The following APBB2 variants were observed in gnomAD, a reference collection of about 807,000 sequenced individuals.
APBB2 encodes Fe65-like 1.
In APBB2, 38 loss-of-function variants were observed where a neutral mutation model predicts 82.5. The ratio of observed to expected loss-of-function variants is 0.46; its 90% CI spans 0.36 to 0.60. The LOEUF (loss-of-function observed/expected upper bound fraction) is 0.60. APBB2 is among the 20% of genes least tolerant of loss of function. The pLI, the probability that APBB2 is intolerant of heterozygous loss-of-function variation, is 0.00. For synonymous variants in APBB2, 341 were observed against 368.2 expected (o/e 0.93, Z 0.85); for missense variants, 772 against 972.3 (o/e 0.79, Z 2.74).
intron 12 of APBB2, among the ~76,000 whole-genome samples, chr4:40,886,247 G>C (rs987977172): frequency 3.3e-5 from 5 of 152,218 alleles, no homozygotes; most frequent in Admixed American, 3.3e-4. Context: ...GGGAGGCCGA[G>C]GCATGTAGAG....
chr4:40,867,431 C>T (rs934358411), intron 12 of APBB2, among the ~76,000 whole-genome samples: 3 of 152,172 alleles, frequency 2.0e-5, no homozygotes, highest in Non-Finnish European at 4.4e-5. Context: ...TTATTATTAT[C>T]AACCCCCTTT....
chr4:40,871,375 C>T (rs1054394619), intron 12 of APBB2, among the ~76,000 whole-genome samples: 4 of 152,118 alleles, frequency 2.6e-5, no homozygotes, highest in African/African-American at 9.7e-5. Context: ...GAACTCCTGG[C>T]CTCAAGTGAT....
intron 1 of APBB2, among the ~76,000 whole-genome samples, chr4:41,198,244 CCTT>C: frequency 6.6e-6 from 1 of 152,200 alleles, no homozygotes; most frequent in Non-Finnish European, 1.5e-5. Flanking sequence ...AGGAACATGT[CCTT>C]CTTCTTCATG....
chr4:40,989,375 A>G (rs1801377579), intron 6 of APBB2, among the ~76,000 whole-genome samples: 1 of 152,182 alleles, frequency 6.6e-6, no homozygotes, highest in African/African-American at 2.4e-5. Flanking sequence ...TCCTGGGAGC[A>G]AAACCAAAAT....
At chr4:41,000,042 T>G (rs1579127458) in intron 6 of APBB2, among the ~76,000 whole-genome samples, 1 of 141,186 alleles carries the variant, frequency 7.1e-6, no homozygotes, top group Non-Finnish European at 1.5e-5. Context: ...TGTGTGTGTG[T>G]GTATGTATAT....
At chr4:40,988,472 C>G (rs1429571742) in intron 6 of APBB2, among the ~76,000 whole-genome samples, 2 of 151,574 alleles carry the variant, frequency 1.3e-5, no homozygotes, top group Admixed American at 1.3e-4. Flanking sequence ...CTTGTCTTTA[C>G]TAAAAATACA....
chr4:40,826,288 G>T lies in APBB2; in HGVS notation c.1733-318C>A. 1 of 288,626 alleles carries T rather than the reference G, an allele frequency of 3.5e-6. No homozygotes were observed. Among genetic ancestry groups the T allele is most frequent in the Non-Finnish European group, 6.6e-6 (1 of 150,778 alleles). 17.9% of individuals were successfully genotyped at this position (288,626 alleles called of 1,614,324 possible). ...TTTGGTGTCCTATTTAATTAGGTGTGGTTGATGCCCAGAGAAAATGTAACC... is the reference window on the plus strand; with the variant it reads ...TTTGGTGTCCTATTTAATTAGGTGTTGTTGATGCCCAGAGAAAATGTAACC... On this transcript the variant is annotated intron_variant, in intron 14 of 17. Transcript: ENST00000508593. The surrounding 1 kb of genome is among the most constrained non-coding windows in gnomAD (Gnocchi z 4.5).
chr4:41,118,836 T>C (rs1247494498), intron 2 of APBB2, among the ~76,000 whole-genome samples: 1 of 152,112 alleles, frequency 6.6e-6, no homozygotes, highest in South Asian at 2.1e-4. Flanking sequence ...AATCTAAAAA[T>C]GCTTTAAAAA....
At chr4:41,062,623 C>G (rs12641331) in intron 4 of APBB2, among the ~76,000 whole-genome samples, 1 of 151,936 alleles carries the variant, frequency 6.6e-6, no homozygotes, top group African/African-American at 2.4e-5. Context: ...TGAGAGGGTA[C>G]GAACCACACT....
At position 40,830,448 on chromosome 4, in the gene APBB2, C is replaced by T; in HGVS notation, c.1644+15G>A. The T allele has an allele frequency of 6.3e-7, 1 of 1,595,356 alleles. No homozygotes were observed. Among genetic ancestry groups the T allele is most frequent in the African/African-American group, 1.3e-5 (1 of 74,682 alleles). Reference sequence around the variant, plus strand: ...AAAAGAGAGAGGCGGCCCATACTGCCCTGACCCACCTTACCTTGGAGCAGA... The same window carrying T: ...AAAAGAGAGAGGCGGCCCATACTGCTCTGACCCACCTTACCTTGGAGCAGA... On this transcript the variant is annotated intron_variant, in intron 13 of 17. Transcript: ENST00000508593.
At chr4:40,893,548 ATTGAG>A (rs770461730) in intron 10 of APBB2, 137 bp from the exon 11 acceptor site, 212 of 752,988 alleles carry the variant, frequency 2.8e-4, no homozygotes, top group Non-Finnish European at 3.9e-4. Context: ...CAATCATCTA[ATTGAG>A]TTAACAAATC....
chr4:41,098,440 C>T (rs1049708389), intron 3 of APBB2, among the ~76,000 whole-genome samples: 4 of 152,106 alleles, frequency 2.6e-5, no homozygotes, highest in African/African-American at 9.7e-5. Context: ...ACCTCTGCCC[C>T]CCAAAAGTGT....
At chr4:41,049,216 G>A (rs1219037659) in intron 4 of APBB2, among the ~76,000 whole-genome samples, 6 of 149,218 alleles carry the variant, frequency 4.0e-5, no homozygotes, top group Non-Finnish European at 8.9e-5. Context: ...TGGGATGTGA[G>A]GAGCGCCTCT....
intron 14 of APBB2, 81 bp downstream of exon 14, chr4:40,827,051 C>T (rs1750180109): frequency 7.7e-7 from 1 of 1,296,966 alleles, no homozygotes; most frequent in Non-Finnish European, 1.1e-6. Flanking sequence ...ACTTGAAATA[C>T]CAGAGAACCA....
Position 40,815,922 on chromosome 4 carries a change from T to C in APBB2, c.*170A>G, listed in dbSNP as rs1208190681. Reference sequence around the variant, plus strand: ...TATTCATGCTTCTTTTCATATCACATGATGGTGGCAAGACGAGAGAACATG... The same window carrying C: ...TATTCATGCTTCTTTTCATATCACACGATGGTGGCAAGACGAGAGAACATG... On this transcript the variant is annotated 3_prime_UTR_variant, in exon 18 of 18. Transcript: ENST00000508593. 26 of 723,716 alleles carry C rather than the reference T, an allele frequency of 3.6e-5. No individual in the cohort carries two copies. Among genetic ancestry groups the C allele is most frequent in the Non-Finnish European group, 3.7e-5 (16 of 435,724 alleles). 44.8% of individuals were successfully genotyped at this position (723,716 alleles called of 1,614,324 possible).
At chr4:41,146,590 A>G (rs1760826469) in intron 1 of APBB2, among the ~76,000 whole-genome samples, 1 of 152,238 alleles carries the variant, frequency 6.6e-6, no homozygotes. Flanking sequence ...GAGTAAGAGC[A>G]GGCTTTTTTC....
intron 12 of APBB2, chr4:40,848,895 C>T (rs1245817820): frequency 2.0e-6 from 2 of 985,242 alleles, no homozygotes; most frequent in African/African-American, 3.5e-5. Context: ...CAGTCATTGT[C>T]AACATTCACA....
chr4:40,899,154 C>T (rs990634311), intron 10 of APBB2, among the ~76,000 whole-genome samples: 8 of 152,186 alleles, frequency 5.3e-5, no homozygotes, highest in East Asian at 1.9e-4. Flanking sequence ...TCAATGTCCT[C>T]GTTATAAAAT....
chr4:41,124,685 G>C (rs1053263705), intron 2 of APBB2, among the ~76,000 whole-genome samples: 1 of 152,172 alleles, frequency 6.6e-6, no homozygotes. Flanking sequence ...GAATCTGCTG[G>C]ATATTCTACA....
Sources: allele counts gnomAD v4.1 joint callset (sites outside exome capture counted in the v4.1 genomes callset), GRCh38; gene constraint gnomAD v4.1.1; non-coding constraint Gnocchi (gnomAD v3.1); transcripts MANE v1.5; gene names NCBI Gene and HGNC (gene_info 2026-07-23, HGNC 2026-07-21).